Variants in FHIT observed in about 807,000 individuals in gnomAD.
The protein encoded by FHIT is bis(5'-adenosyl)-triphosphatase.
A neutral mutation model predicts 17.9 loss-of-function variants in FHIT; 19 were observed. The observed-to-expected ratio is 1.06, with a 90% CI of 0.74 to 1.56. FHIT has a LOEUF of 1.56. Among genes scored for constraint, FHIT ranks in the 40% most tolerant of loss-of-function variants. The pLI, the probability that FHIT is intolerant of heterozygous loss-of-function variation, is 0.00. For missense variants in FHIT, 248 were observed against 189.2 expected, an observed-to-expected ratio of 1.31 and a Z score of -1.82; for synonymous variants, 81 against 69.7, an observed-to-expected ratio of 1.16 and a Z score of -0.81.
chr3:60,919,987 T>A (rs1159823684), intron 3 of FHIT, among the ~76,000 whole-genome samples: 1 of 151,610 alleles, frequency 6.6e-6, no homozygotes, highest in African/African-American at 2.4e-5. Context: ...TGAGCCGAGA[T>A]TGCACCACTG....
intron 5 of FHIT, among the ~76,000 whole-genome samples, chr3:60,182,382 C>CT (rs1329304818): frequency 6.6e-6 from 1 of 152,222 alleles, no homozygotes; most frequent in East Asian, 1.9e-4. Flanking sequence ...CTATTAGCAT[C>CT]TTTAAGTAGC....
chr3:61,170,721 G>A (rs998208287), intron 2 of FHIT, among the ~76,000 whole-genome samples: 3 of 152,114 alleles, frequency 2.0e-5, no homozygotes, highest in Non-Finnish European at 2.9e-5. Flanking sequence ...TTTTTTGGCT[G>A]CATAGTATTT....
At chr3:60,125,804 A>G (rs947142125) in intron 5 of FHIT, among the ~76,000 whole-genome samples, 5 of 152,076 alleles carry the variant, frequency 3.3e-5, no homozygotes, top group African/African-American at 1.2e-4. Context: ...CTGGTATAGC[A>G]GCTAACACAC....
In FHIT at chr3:60,514,308, G is replaced by A. The variant is rs56767053; in HGVS notation, c.103+22552C>T. Among the ~76,000 whole-genome samples the A allele has an allele frequency of 3.6e-3, 550 of 152,348 alleles. 6 individuals carry two copies. The highest frequency in any genetic ancestry group is 0.013 in the African/African-American group (532 of 41,594). On this transcript the variant is annotated intron_variant, in intron 5 of 9. Coordinates refer to ENST00000492590, the MANE Select transcript of FHIT (RefSeq NM_002012.4). ...TGGACGCTGCCATGGGGCATGCACA[G>A]GGCCTGCTTCTGCTGGAGAGAAGCA...
chr3:60,177,136 A>T (rs1477989743), intron 5 of FHIT, among the ~76,000 whole-genome samples: 1 of 152,176 alleles, frequency 6.6e-6, no homozygotes, highest in African/African-American at 2.4e-5. Flanking sequence ...TATGTACAAA[A>T]CCACAAATTA....
At chr3:60,490,187 C>A (rs71313775) in intron 5 of FHIT, among the ~76,000 whole-genome samples, 6,292 of 152,036 alleles carry the variant, frequency 0.041, 136 homozygotes, top group South Asian at 0.08. Context: ...ATGGTTTAAT[C>A]TAATCTTACA....
chr3:60,511,719 G>A (rs2034958331), intron 5 of FHIT, among the ~76,000 whole-genome samples: 2 of 152,126 alleles, frequency 1.3e-5, no homozygotes, highest in Admixed American at 1.3e-4. Context: ...CCCAGATCTT[G>A]GTTTCTAATT....
intron 5 of FHIT, among the ~76,000 whole-genome samples, chr3:60,110,759 C>G (rs1704634728): frequency 6.6e-6 from 1 of 152,270 alleles, no homozygotes; most frequent in South Asian, 2.1e-4. Flanking sequence ...AAGGTTGAGA[C>G]CTGGTCATCA....
intron 2 of FHIT, among the ~76,000 whole-genome samples, chr3:61,080,139 G>A (rs1260607004): frequency 1.3e-5 from 2 of 152,042 alleles, no homozygotes; most frequent in African/African-American, 4.8e-5. Context: ...AAGTTTTAGA[G>A]CCTTTTAATA....
At chr3:59,947,913 G>A (rs928636333) in intron 7 of FHIT, among the ~76,000 whole-genome samples, 1 of 152,162 alleles carries the variant, frequency 6.6e-6, no homozygotes, top group Non-Finnish European at 1.5e-5. Flanking sequence ...ACCTTTTAAA[G>A]TGGGCTTTTG....
chr3:60,440,906 G>A (rs2107327557), intron 5 of FHIT, among the ~76,000 whole-genome samples: 1 of 152,156 alleles, frequency 6.6e-6, no homozygotes, highest in Non-Finnish European at 1.5e-5. Context: ...AAGATGCTTT[G>A]GGTTTTATGT....
intron 5 of FHIT, among the ~76,000 whole-genome samples, chr3:60,396,067 CT>C (rs1406905004): frequency 6.6e-6 from 1 of 152,110 alleles, no homozygotes; most frequent in Non-Finnish European, 1.5e-5. Flanking sequence ...CTAGCTGGGG[CT>C]GATACCGCAC....
At chr3:60,504,614 G>A (rs1021560413) in intron 5 of FHIT, among the ~76,000 whole-genome samples, 1 of 152,106 alleles carries the variant, frequency 6.6e-6, no homozygotes, top group Non-Finnish European at 1.5e-5. Context: ...AGCTTTGAGA[G>A]CTTCAGCGAT....
chr3:61,247,604 A>T (rs1281549576), intron 1 of FHIT, among the ~76,000 whole-genome samples: 1 of 152,226 alleles, frequency 6.6e-6, no homozygotes, highest in Non-Finnish European at 1.5e-5. Context: ...CTGTGCTGAC[A>T]AGACAGGTTA....
At chr3:59,831,598 C>T (rs1381683509) in intron 8 of FHIT, among the ~76,000 whole-genome samples, 6 of 152,034 alleles carry the variant, frequency 3.9e-5, no homozygotes, top group East Asian at 1.9e-4. Flanking sequence ...TAGCCTCATG[C>T]GATAAGACTG....
At chr3:60,431,073 A>C (rs1015184352) in intron 5 of FHIT, among the ~76,000 whole-genome samples, 1 of 151,910 alleles carries the variant, frequency 6.6e-6, no homozygotes, top group Non-Finnish European at 1.5e-5. Flanking sequence ...TTAGCCAGCC[A>C]TTGTGGTGCG....
At chr3:60,092,224 T>C (rs1365738433) in intron 5 of FHIT, among the ~76,000 whole-genome samples, 1 of 152,216 alleles carries the variant, frequency 6.6e-6, no homozygotes, top group African/African-American at 2.4e-5. Context: ...ACAGTGTACT[T>C]GTTTCATAAT....
At chr3:60,235,565 C>A (rs960435395) in intron 5 of FHIT, among the ~76,000 whole-genome samples, 1 of 152,044 alleles carries the variant, frequency 6.6e-6, no homozygotes. Context: ...CCTTCTCAGA[C>A]GTTTGAGAAA....
chr3:60,608,807 T>G (rs1177866356), intron 4 of FHIT, among the ~76,000 whole-genome samples: 1 of 152,222 alleles, frequency 6.6e-6, no homozygotes, highest in African/African-American at 2.4e-5. Context: ...GAGAGAGACC[T>G]AGTCATTATC....
Sources: allele counts gnomAD v4.1 joint callset (sites outside exome capture counted in the v4.1 genomes callset), GRCh38; gene constraint gnomAD v4.1.1; transcripts MANE v1.5; gene names NCBI Gene and HGNC (gene_info 2026-07-23, HGNC 2026-07-21).